Variants in SLC12A9 observed in about 807,000 individuals in gnomAD.
The protein encoded by SLC12A9 is solute carrier family 12 member 9, also known as CCC-interacting protein 1.
SLC12A9 carries 55 observed loss-of-function variants against 66.0 expected under a neutral mutation model. The ratio of observed to expected loss-of-function variants is 0.83; its 90% CI spans 0.67 to 1.04. The LOEUF is 1.04. Ranked by LOEUF, SLC12A9 falls within the 50% of genes least tolerant of loss-of-function variation. The pLI is 0.00. For synonymous variants in SLC12A9, 577 were observed against 569.0 expected (o/e 1.01, Z -0.20); for missense variants, 1,061 against 1,241.9 (o/e 0.85, Z 2.19).
At position 100,866,494 on chromosome 7, in the gene SLC12A9, C is replaced by T. The variant is rs766077344; in HGVS notation, c.2634C>T (p.Ala878=). The T allele has an allele frequency of 8.3e-6, 13 of 1,559,764 alleles. No homozygotes were observed. The highest frequency in any genetic ancestry group is 1.7e-4 in the Middle Eastern group (1 of 6,020). ...TCCTGTACTTGCCTCGGCCGCCAGC[C>T]GATCCCGCCCGATACCCCCGCTACC... The part of the protein sequence containing the change: ...LTFLYLPRPP[A]DPARYPRYLA... Residue 878 remains alanine, a synonymous_variant, in exon 14 of 14, where the codon GCC becomes GCT. Coordinates refer to ENST00000354161, the MANE Select transcript of SLC12A9 (RefSeq NM_020246.4). The surrounding 1 kb of genome is among the most constrained non-coding windows in gnomAD (Gnocchi z 7.3).
Position 100,866,299 on chromosome 7 carries a change from G to C in SLC12A9, c.2439G>C (p.Glu813Asp). 1.3e-6 allele frequency: 2 copies of C among 1,519,790 alleles called. No individual in the cohort carries two copies. The highest frequency in any genetic ancestry group is 4.9e-5 in the East Asian group (2 of 41,160). The allele number at this position is 1,519,790 out of a possible 1,614,324, so 94.1% of individuals were successfully genotyped here. The change falls in exon 14 of 14, where the codon GAG (glutamate) becomes GAC (aspartate). Residue 813 changes from glutamate to aspartate, a missense_variant. Transcript: ENST00000354161. This position sits in a 1 kb window ranked among gnomAD's most constrained non-coding sequence, Gnocchi z 7.3. ...WGEGAGAGEP[E>D]AEEEGDFVNS... ...AGGGGGCCGGGGCTGGGGAACCCGA[G>C]GCGGAGGAGGAAGGGGACTTTGTGA...
chr7:100,842,835 G>A (rs1348566256), intron 1 of SLC12A9, among the ~76,000 whole-genome samples: 1 of 152,226 alleles, frequency 6.6e-6, no homozygotes, highest in Non-Finnish European at 1.5e-5. Flanking sequence ...TAGGTTGCAT[G>A]GTAGCTCTTT....
chr7:100,861,068 G>A lies in SLC12A9; in HGVS notation c.1219-70G>A. On this transcript the variant is annotated intron_variant, in intron 9 of 13. Coordinates refer to ENST00000354161, the MANE Select transcript of SLC12A9 (RefSeq NM_020246.4). This position sits in a 1 kb window ranked among gnomAD's most constrained non-coding sequence, Gnocchi z 5.3. ...ACTTTGGGGTACACTGGCATTCTTT[G>A]GTGTTCACTGGCATTTTGGGGGTGC... The A allele has an allele frequency of 6.2e-7, 1 of 1,611,896 alleles. No homozygotes were observed. The highest frequency in any genetic ancestry group is 8.5e-7 in the Non-Finnish European group (1 of 1,179,220).
intron 13 of SLC12A9, 107 bp from the exon 14 acceptor site, chr7:100,865,612 C>T: frequency 1.3e-6 from 2 of 1,559,912 alleles, no homozygotes; most frequent in African/African-American, 1.4e-5. Context: ...GTGGGAATGT[C>T]ATACCTATGG....
At position 100,866,727 on chromosome 7, in the gene SLC12A9, G is replaced by A. The variant is rs1033468166; in HGVS notation, c.*122G>A. The A allele has an allele frequency of 3.5e-6, 4 of 1,135,060 alleles. No homozygotes were observed. In the African/African-American group the frequency reaches 6.4e-5, roughly 18 times the overall value. 70.3% of individuals were successfully genotyped at this position (1,135,060 alleles called of 1,614,324 possible). On this transcript the variant is annotated 3_prime_UTR_variant, in exon 14 of 14. Coordinates refer to ENST00000354161, the MANE Select transcript of SLC12A9 (RefSeq NM_020246.4). This position sits in a 1 kb window ranked among gnomAD's most constrained non-coding sequence, Gnocchi z 7.3. ...CCTGCCCTTGGGACGTGGAGCCCAG[G>A]GGAGGTTTGAAGGGGATCCTGGGCT...
chr7:100,849,741 A>G (rs986252439), upstream of SLC12A9, among the ~76,000 whole-genome samples: 6 of 151,632 alleles, frequency 4.0e-5, no homozygotes, highest in Admixed American at 1.3e-4. Context: ...GACCCAGAGA[A>G]GACTAAAATT....
At chr7:100,846,852 T>C (rs2116545708) in intron 1 of SLC12A9, among the ~76,000 whole-genome samples, 1 of 152,268 alleles carries the variant, frequency 6.6e-6, no homozygotes, top group East Asian at 1.9e-4. Flanking sequence ...CTAGGCCTAG[T>C]AGTTAAAGAT....
chr7:100,829,845 A>G (rs563831016), intron 1 of SLC12A9, among the ~76,000 whole-genome samples: 3 of 151,996 alleles, frequency 2.0e-5, no homozygotes, highest in East Asian at 3.9e-4. Context: ...CCTAGCCAAC[A>G]TGGTGAAACC....
intron 1 of SLC12A9, among the ~76,000 whole-genome samples, chr7:100,840,097 A>G (rs1017941303): frequency 6.6e-6 from 1 of 152,156 alleles, no homozygotes; most frequent in African/African-American, 2.4e-5. Context: ...GACCTAACTT[A>G]GATTTCTAGA....
rs778883709 is a variant in SLC12A9 at position 100,862,728 on chromosome 7, A to G, written c.1759A>G (p.Ser587Gly). Residue 587 changes from serine to glycine, a missense_variant, in exon 13 of 14, where the codon AGC becomes GGC. Coordinates refer to ENST00000354161, the MANE Select transcript of SLC12A9 (RefSeq NM_020246.4). ...PVQPQYGAWL[S>G]LVDRAQVKAF... ...ACAGCCGCAGTATGGGGCATGGCTC[A>G]GCCTGGTGGACCGTGCCCAGGTGAA... The G allele has an allele frequency of 1.9e-6, 3 of 1,614,200 alleles. No individual in the cohort carries two copies. In the South Asian group the frequency reaches 3.3e-5, roughly 18 times the overall value.
chr7:100,862,281 C>T (rs543710402), intron 12 of SLC12A9, among the ~76,000 whole-genome samples: 1 of 151,316 alleles, frequency 6.6e-6, no homozygotes, highest in South Asian at 2.1e-4. Flanking sequence ...TTTTTTGAGA[C>T]AAGGTCTTGC....
chr7:100,859,502 G>T, intron 7 of SLC12A9: 1 of 368,040 alleles, frequency 2.7e-6, no homozygotes, highest in Non-Finnish European at 5.0e-6. Flanking sequence ...GATCGCTGGA[G>T]CCCAGGAGTT....
At position 100,866,626 on chromosome 7, in the gene SLC12A9, G is replaced by T. The variant is rs750968036; in HGVS notation, c.*21G>T. 3 of 1,511,716 alleles carry T rather than the reference G, an allele frequency of 2.0e-6. No individual in the cohort carries two copies. The South Asian group carries it at 3.8e-5, about 19-fold the overall frequency. The allele number at this position is 1,511,716 out of a possible 1,614,324, so 93.6% of individuals were successfully genotyped here. A position where few individuals can be genotyped will look rare whatever the true frequency, so the allele number is the denominator to read the frequency against. On this transcript the variant is annotated 3_prime_UTR_variant, in exon 14 of 14. Transcript: ENST00000354161. This position sits in a 1 kb window ranked among gnomAD's most constrained non-coding sequence, Gnocchi z 7.3. Reference sequence around the variant, plus strand: ...TGTGATGCCCCTGCCTCCAGGGCTAGGTAGAGAGGGCCCAGGCAGGCGGCC... The same window carrying T: ...TGTGATGCCCCTGCCTCCAGGGCTATGTAGAGAGGGCCCAGGCAGGCGGCC...
intron 1 of SLC12A9, among the ~76,000 whole-genome samples, chr7:100,830,442 G>C (rs1813522115): frequency 6.6e-6 from 1 of 152,194 alleles, no homozygotes; most frequent in South Asian, 2.1e-4. Context: ...TGGAGGCTGA[G>C]ATGAGAGGAT....
chr7:100,855,001 T>G (rs1290262064), intron 3 of SLC12A9, among the ~76,000 whole-genome samples: 1 of 152,054 alleles, frequency 6.6e-6, no homozygotes, highest in African/African-American at 2.4e-5. Context: ...CCGACTCCAC[T>G]AAAATTACAA....
At chr7:100,834,217 C>G (rs1424274533) in intron 1 of SLC12A9, among the ~76,000 whole-genome samples, 5 of 152,094 alleles carry the variant, frequency 3.3e-5, no homozygotes, top group Admixed American at 3.3e-4. Context: ...AGTTTAAAGG[C>G]AGAGTTGTGA....
At chr7:100,854,069 G>A in intron 1 of SLC12A9, 87 bp from the exon 2 acceptor site, 1 of 838,696 alleles carries the variant, frequency 1.2e-6, no homozygotes, top group Non-Finnish European at 1.8e-6. Context: ...TGTCTTTTGG[G>A]GAGGCTTCAG....
At chr7:100,833,498 A>C (rs910356627) in intron 1 of SLC12A9, among the ~76,000 whole-genome samples, 2 of 150,976 alleles carry the variant, frequency 1.3e-5, no homozygotes, top group African/African-American at 2.4e-5. Flanking sequence ...CAAAAAGCAA[A>C]AAAACAAAAC....
chr7:100,859,305 C>A, intron 7 of SLC12A9, 144 bp downstream of exon 7: 1 of 723,456 alleles, frequency 1.4e-6, no homozygotes, highest in Non-Finnish European at 2.4e-6. Context: ...CAACCTATAG[C>A]CAGCAGCTGC....
Sources: allele counts gnomAD v4.1 joint callset (sites outside exome capture counted in the v4.1 genomes callset), GRCh38; gene constraint gnomAD v4.1.1; non-coding constraint Gnocchi (gnomAD v3.1); transcripts MANE v1.5; gene names NCBI Gene and HGNC (gene_info 2026-07-23, HGNC 2026-07-21).